The following DYNC2H1 variants were observed in gnomAD, a reference collection of about 807,000 sequenced individuals.
DYNC2H1 encodes dynein cytoplasmic 2 heavy chain 1.
Under a neutral mutation model 570.0 loss-of-function variants are expected in DYNC2H1, and 410 were observed. The ratio of observed to expected loss-of-function variants is 0.72; its 90% confidence interval spans 0.66 to 0.78. The LOEUF (loss-of-function observed/expected upper bound fraction) is 0.78, where lower values mean the gene tolerates loss of function less well. Among genes scored for constraint, DYNC2H1 ranks in the 30% least tolerant of loss-of-function variants. The pLI is 0.00. For missense variants in DYNC2H1, 4,865 were observed against 5,046.4 expected (o/e 0.96, Z 1.09); for synonymous variants, 1,688 against 1,677.6 (o/e 1.01, Z -0.15).
chr11:103,471,909 A>G (rs562076471), intron 88 of DYNC2H1, among the ~76,000 whole-genome samples: 3 of 152,200 alleles, frequency 2.0e-5, no homozygotes, highest in Non-Finnish European at 4.4e-5. Context: ...CAATGAGGGA[A>G]AGTCAGATGA....
intron 81 of DYNC2H1, among the ~76,000 whole-genome samples, chr11:103,322,471 C>G (rs1344688090): frequency 6.6e-6 from 1 of 152,152 alleles, no homozygotes; most frequent in East Asian, 1.9e-4. Flanking sequence ...ATGTTCCCTT[C>G]TAGTTACTAC....
chr11:103,400,846 GTCT>G (rs968285736), intron 84 of DYNC2H1, among the ~76,000 whole-genome samples: 2 of 151,876 alleles, frequency 1.3e-5, no homozygotes, highest in Non-Finnish European at 2.9e-5. Flanking sequence ...TGGCATCCTT[GTCT>G]TCTTTTTTAT....
At chr11:103,155,019 TA>T (rs1313988046) in intron 24 of DYNC2H1, among the ~76,000 whole-genome samples, 1 of 152,040 alleles carries the variant, frequency 6.6e-6, no homozygotes, top group Non-Finnish European at 1.5e-5. Flanking sequence ...ATGTTAAAGT[TA>T]AAAAACAGAG....
rs186396798 is a variant in DYNC2H1 at position 103,419,179 on chromosome 11, G to C, written c.12367-16764G>C. 1.1e-4 allele frequency among the ~76,000 whole-genome samples: 17 copies of C among 152,286 alleles called. No homozygotes were observed. In the East Asian group the frequency reaches 3.3e-3, roughly 29 times the overall value. On this transcript the variant is annotated intron_variant, in intron 84 of 88. Coordinates refer to ENST00000375735, the MANE Select transcript of DYNC2H1 (RefSeq NM_001377.3). ...GGGTAGGGGTGGCGGCCGTCTCTGC[G>C]ATTTGGTAGACTTAGCCATTCCAGC... is the stretch of plus-strand genomic sequence containing the variant.
chr11:103,121,596 T>C (rs1858716743), intron 10 of DYNC2H1, 100 bp downstream of exon 10: 2 of 1,294,034 alleles, frequency 1.5e-6, no homozygotes, highest in Admixed American at 5.0e-5. Context: ...TATTCTCTGT[T>C]TTCCTTGGCA....
Position 103,236,316 on chromosome 11 carries a change from G to A in DYNC2H1, c.9710-114G>A, listed in dbSNP as rs188200262. ...TTGGGTGTTAAATGTGGAAGAATGGGTTTCAAGTAAGGACTGTCATAGGAC... is the reference window on the plus strand; with the variant it reads ...TTGGGTGTTAAATGTGGAAGAATGGATTTCAAGTAAGGACTGTCATAGGAC... On this transcript the variant is annotated intron_variant, in intron 62 of 88. Coordinates refer to ENST00000375735, the MANE Select transcript of DYNC2H1 (RefSeq NM_001377.3). 3 of 672,996 alleles carry A rather than the reference G, an allele frequency of 4.5e-6. No homozygotes were observed. The East Asian group carries it at 8.9e-5, about 20-fold the overall frequency. The allele number at this position is 672,996 out of a possible 1,614,324, so 41.7% of individuals were successfully genotyped here. A position where few individuals can be genotyped will look rare whatever the true frequency, so the allele number is the denominator to read the frequency against.
rs368061315 is a variant in DYNC2H1 at position 103,128,987 on chromosome 11, A to G, written c.1935A>G (p.Ala645=). 3 of 1,603,772 alleles carry G rather than the reference A, an allele frequency of 1.9e-6. No homozygotes were observed. The highest frequency in any genetic ancestry group is 1.7e-6 in the Non-Finnish European group (2 of 1,175,824). Residue 645 remains alanine, a synonymous_variant, in exon 13 of 89, where the codon GCA becomes GCG. Coordinates refer to ENST00000375735, the MANE Select transcript of DYNC2H1 (RefSeq NM_001377.3). The part of the protein sequence containing the change: ...QRPMMLQSAL[A]FEQIIKNSKA... ...CAATGATGTTACAATCTGCCTTAGC[A>G]TTTGAACAGATAATTAAGGTAAATG... is the stretch of plus-strand genomic sequence containing the variant.
chr11:103,178,901 T>G (rs972829709), intron 38 of DYNC2H1, 125 bp from the exon 39 acceptor site: 20 of 911,596 alleles, frequency 2.2e-5, no homozygotes, highest in African/African-American at 3.3e-5. Context: ...GGATTGCGCA[T>G]GGGTTCTTCA....
chr11:103,188,660 T>G lies in DYNC2H1; in HGVS notation c.7292+12T>G. 1 of 1,505,352 alleles carries G rather than the reference T, an allele frequency of 6.6e-7. No individual in the cohort carries two copies. The highest frequency in any genetic ancestry group is 8.9e-7 in the Non-Finnish European group (1 of 1,122,828). The allele number at this position is 1,505,352 out of a possible 1,614,324, so 93.2% of individuals were successfully genotyped here. A position where few individuals can be genotyped will look rare whatever the true frequency, so the allele number is the denominator to read the frequency against. ...CTTTGTTCTATAGAGTATGTATCTT[T>G]GTGTTTCAGATTTTTTAATTTGGGA... On this transcript the variant is annotated intron_variant, in intron 44 of 88. Transcript: ENST00000375735.
At chr11:103,270,603 G>T (rs765110199) in intron 70 of DYNC2H1, among the ~76,000 whole-genome samples, 2 of 126,870 alleles carry the variant, frequency 1.6e-5, no homozygotes, top group African/African-American at 2.8e-5. Context: ...TCTCTCTCTC[G>T]AACTATCTTA....
In DYNC2H1 at chr11:103,153,357, C is replaced by T; in HGVS notation, c.3151C>T (p.Leu1051=). ...ACGTCTTCAGATCTATTATCAAGAA[C>T]TGGAAAAATTTAAAGCTCGTTGGGA... The part of the protein sequence containing the change: ...KSRLQIYYQE[L]EKFKARWDQL... The change falls in exon 22 of 89, where the codon CTG becomes TTG. Residue 1051 remains leucine, a synonymous_variant. Coordinates refer to ENST00000375735, the MANE Select transcript of DYNC2H1 (RefSeq NM_001377.3). 1 of 1,548,082 alleles carries T rather than the reference C, an allele frequency of 6.5e-7. No homozygotes were observed. The highest frequency in any genetic ancestry group is 8.7e-7 in the Non-Finnish European group (1 of 1,146,030).
At chr11:103,373,656 A>G (rs115881708) in intron 83 of DYNC2H1, among the ~76,000 whole-genome samples, 1 of 152,320 alleles carries the variant, frequency 6.6e-6, no homozygotes, top group African/African-American at 2.4e-5. Context: ...AAGAATGTGT[A>G]TTCTGTAGCT....
At chr11:103,149,179 A>G (rs1406939231) in intron 20 of DYNC2H1, among the ~76,000 whole-genome samples, 2 of 152,242 alleles carry the variant, frequency 1.3e-5, no homozygotes, top group Non-Finnish European at 2.9e-5. Flanking sequence ...GGCATATTAG[A>G]GTAAGAGTAA....
At chr11:103,176,954 C>T (rs1861845206) in intron 37 of DYNC2H1, among the ~76,000 whole-genome samples, 1 of 152,124 alleles carries the variant, frequency 6.6e-6, no homozygotes, top group Non-Finnish European at 1.5e-5. Flanking sequence ...GATCTGCCCA[C>T]CTTGGTCTCC....
chr11:103,227,630 G>T (rs941557487), intron 59 of DYNC2H1, among the ~76,000 whole-genome samples: 1 of 152,136 alleles, frequency 6.6e-6, no homozygotes, highest in African/African-American at 2.4e-5. Flanking sequence ...AATGTTCCAT[G>T]TGCTGATGAA....
intron 84 of DYNC2H1, among the ~76,000 whole-genome samples, chr11:103,411,150 T>G (rs1198641837): frequency 6.6e-6 from 1 of 152,104 alleles, no homozygotes; most frequent in African/African-American, 2.4e-5. Context: ...GTAAAGTTAA[T>G]TAGAATATGA....
chr11:103,114,012 G>A, intron 2 of DYNC2H1, 91 bp from the exon 3 acceptor site: 1 of 1,475,100 alleles, frequency 6.8e-7, no homozygotes, highest in East Asian at 2.4e-5. Flanking sequence ...CAGGCTTTAA[G>A]AAAAATGGGG....
At chr11:103,399,099 G>T (rs1410180141) in intron 83 of DYNC2H1, among the ~76,000 whole-genome samples, 1 of 145,762 alleles carries the variant, frequency 6.9e-6, no homozygotes, top group Non-Finnish European at 1.5e-5. Context: ...ACTTAATGTG[G>T]TTTCCCTTTC....
intron 83 of DYNC2H1, among the ~76,000 whole-genome samples, chr11:103,375,232 T>C (rs1396222821): frequency 3.9e-5 from 6 of 152,318 alleles, no homozygotes; most frequent in African/African-American, 1.4e-4. Flanking sequence ...GACCTCTGCC[T>C]AGATTTCAGA....
Sources: allele counts gnomAD v4.1 joint callset (sites outside exome capture counted in the v4.1 genomes callset), GRCh38; gene constraint gnomAD v4.1.1; transcripts MANE v1.5; gene names NCBI Gene and HGNC (gene_info 2026-07-23, HGNC 2026-07-21).